Variants in GALNT17 observed in about 807,000 individuals in gnomAD.
GALNT17 encodes the protein UDP-GalNAc:polypeptide N-acetylgalactosaminyltransferase-like 3.
In GALNT17, 29 loss-of-function variants were observed where a neutral mutation model predicts 63.7. That is an observed-to-expected ratio of 0.46 (90% CI 0.34 to 0.62). The LOEUF (loss-of-function observed/expected upper bound fraction) is 0.62. Among genes scored for constraint, GALNT17 ranks in the 20% least tolerant of loss-of-function variants. The probability of loss-of-function intolerance (pLI) is 0.01; values close to 1 mark genes in which losing one functional copy is unlikely to be tolerated. For synonymous variants in GALNT17, 305 were observed against 318.3 expected, an observed-to-expected ratio of 0.96 and a Z score of 0.45; for missense variants, 603 against 799.6, an observed-to-expected ratio of 0.75 and a Z score of 2.97.
intron 5 of GALNT17, among the ~76,000 whole-genome samples, chr7:71,433,177 G>A (rs1326547276): frequency 6.6e-6 from 1 of 152,194 alleles, no homozygotes; most frequent in African/African-American, 2.4e-5. Context: ...TCATCTGGAA[G>A]TCGTCATCTT....
chr7:71,493,940 GAGA>G (rs1482850879), intron 5 of GALNT17, among the ~76,000 whole-genome samples: 22 of 152,136 alleles, frequency 1.4e-4, no homozygotes, highest in Non-Finnish European at 3.2e-4. Flanking sequence ...CTTACTTGCA[GAGA>G]AGAAGGAAGT....
chr7:71,661,715 C>G (rs1034093372), intron 6 of GALNT17, among the ~76,000 whole-genome samples: 2 of 152,120 alleles, frequency 1.3e-5, no homozygotes, highest in African/African-American at 4.8e-5. Flanking sequence ...CTTGCTGGAC[C>G]CCACAGCAGG....
intron 5 of GALNT17, among the ~76,000 whole-genome samples, chr7:71,545,677 G>A (rs114454625): frequency 3.9e-5 from 6 of 152,156 alleles, no homozygotes; most frequent in East Asian, 3.9e-4. Context: ...TTGAACATTC[G>A]TATTTTATGG....
chr7:71,613,906 C>T (rs555640971), intron 6 of GALNT17, among the ~76,000 whole-genome samples: 2 of 150,934 alleles, frequency 1.3e-5, no homozygotes, highest in South Asian at 4.2e-4. Flanking sequence ...GAGATATGAT[C>T]GAGTCACTAC....
chr7:71,163,573 G>T (rs2116259533), intron 1 of GALNT17, among the ~76,000 whole-genome samples: 1 of 152,342 alleles, frequency 6.6e-6, no homozygotes, highest in South Asian at 2.1e-4. Context: ...TTTGGAAAGA[G>T]CTTGTCTTGG....
At chr7:71,194,077 G>C (rs891738918) in intron 1 of GALNT17, among the ~76,000 whole-genome samples, 2 of 152,090 alleles carry the variant, frequency 1.3e-5, no homozygotes, top group East Asian at 3.9e-4. Context: ...ACAGGGTCTT[G>C]TTCTGTCACC....
At chr7:71,221,645 G>T (rs1789586683) in intron 1 of GALNT17, among the ~76,000 whole-genome samples, 1 of 152,110 alleles carries the variant, frequency 6.6e-6, no homozygotes, top group Non-Finnish European at 1.5e-5. Flanking sequence ...TAGTGCAGTG[G>T]TCAGGCTGAT....
chr7:71,301,248 C>A (rs568742008), intron 1 of GALNT17, among the ~76,000 whole-genome samples: 174 of 151,676 alleles, frequency 1.1e-3, no homozygotes, highest in African/African-American at 3.9e-3. Flanking sequence ...GATCGCTCCA[C>A]TACACTCCAG....
chr7:71,334,502 C>G (rs1791864475), intron 1 of GALNT17, among the ~76,000 whole-genome samples: 1 of 152,028 alleles, frequency 6.6e-6, no homozygotes, highest in Non-Finnish European at 1.5e-5. Context: ...TGCTGAGTAG[C>G]TGGAACATTT....
At chr7:71,249,568 C>G (rs907608279) in intron 1 of GALNT17, among the ~76,000 whole-genome samples, 1 of 152,024 alleles carries the variant, frequency 6.6e-6, no homozygotes, top group Non-Finnish European at 1.5e-5. Context: ...CATAGGAAAC[C>G]TTTTTTCCTC....
intron 9 of GALNT17, among the ~76,000 whole-genome samples, chr7:71,681,075 T>C (rs1791254605): frequency 1.3e-5 from 2 of 152,036 alleles, no homozygotes; most frequent in South Asian, 4.1e-4. Flanking sequence ...CAATTTTCCA[T>C]TTTTTTGTAG....
At chr7:71,357,738 G>A (rs190492079) in intron 2 of GALNT17, among the ~76,000 whole-genome samples, 126 of 152,224 alleles carry the variant, frequency 8.3e-4, no homozygotes, top group African/African-American at 3.0e-3. Context: ...GAAACTGAGA[G>A]GTGAAGCCTG....
intron 1 of GALNT17, among the ~76,000 whole-genome samples, chr7:71,304,876 T>C (rs1791261027): frequency 6.6e-6 from 1 of 152,172 alleles, no homozygotes; most frequent in African/African-American, 2.4e-5. Context: ...CCCAAGTAGC[T>C]GGGATTACAG....
intron 1 of GALNT17, among the ~76,000 whole-genome samples, chr7:71,263,311 A>T (rs1157635390): frequency 1.3e-5 from 2 of 152,030 alleles, no homozygotes; most frequent in African/African-American, 4.8e-5. Flanking sequence ...GTGAGCTGAG[A>T]TTGCGCTACT....
chr7:71,443,572 G>A (rs1339962345), intron 5 of GALNT17, among the ~76,000 whole-genome samples: 4 of 151,828 alleles, frequency 2.6e-5, no homozygotes, highest in Non-Finnish European at 5.9e-5. Context: ...ATTTCTCCAC[G>A]TGATGCCTGC....
At chr7:71,181,249 G>A (rs1455014176) in intron 1 of GALNT17, among the ~76,000 whole-genome samples, 4 of 140,510 alleles carry the variant, frequency 2.8e-5, no homozygotes, top group East Asian at 4.0e-4. Context: ...AGCAAGACTC[G>A]TCTTAAAAAA....
At chr7:71,633,747 A>C (rs533160593) in intron 6 of GALNT17, among the ~76,000 whole-genome samples, 1 of 152,350 alleles carries the variant, frequency 6.6e-6, no homozygotes, top group East Asian at 1.9e-4. Context: ...GAGTCATCTC[A>C]GAGACAAGCC....
chr7:71,235,106 C>T (rs1156449178), intron 1 of GALNT17, among the ~76,000 whole-genome samples: 2 of 152,096 alleles, frequency 1.3e-5, no homozygotes, highest in Non-Finnish European at 2.9e-5. Flanking sequence ...AAAAAATCAG[C>T]TGGGTGTGGC....
At chr7:71,169,967 TTCA>T (rs998983613) in intron 1 of GALNT17, among the ~76,000 whole-genome samples, 2 of 151,286 alleles carry the variant, frequency 1.3e-5, no homozygotes, top group African/African-American at 2.4e-5. Context: ...TTATCTTACC[TTCA>T]TCATTTTTTT....
Sources: gnomAD v4.1 joint callset for allele counts (sites outside exome capture counted in the v4.1 genomes callset) on GRCh38, gnomAD v4.1.1 for gene constraint, MANE v1.5 for transcripts, NCBI Gene and HGNC (gene_info 2026-07-23, HGNC 2026-07-21) for gene names.